The following TTC27 variants were observed in gnomAD, a reference collection of about 807,000 sequenced individuals.
The protein encoded by TTC27 is tetratricopeptide repeat protein 27.
TTC27 carries 79 observed loss-of-function variants against 115.9 expected under a neutral mutation model. That is an observed-to-expected ratio of 0.68 (90% CI 0.57 to 0.82). The LOEUF (loss-of-function observed/expected upper bound fraction) is 0.82, where lower values mean the gene tolerates loss of function less well. TTC27 is among the 40% of genes least tolerant of loss of function. The probability of loss-of-function intolerance (pLI) is 0.00; values close to 1 mark genes in which losing one functional copy is unlikely to be tolerated. For missense variants in TTC27, 1,054 were observed against 993.1 expected (o/e 1.06, Z -0.82); for synonymous variants, 401 against 356.0 (o/e 1.13, Z -1.42).
chr2:32,723,988 T>TTTTTTTTTTTTTTTTTTTTTTG (rs1668028731), intron 10 of TTC27, among the ~76,000 whole-genome samples: 1 of 148,768 alleles, frequency 6.7e-6, no homozygotes, highest in Non-Finnish European at 1.5e-5. Context: ...TTTTTTTTTT[T>TTTTTTTTTTTTTTTTTTTTTTG]ATAGAAAGGA....
intron 2 of TTC27, among the ~76,000 whole-genome samples, chr2:32,633,482 A>T (rs1664291556): frequency 6.6e-6 from 1 of 152,094 alleles, no homozygotes; most frequent in South Asian, 2.1e-4. Context: ...CTATGATCAA[A>T]GCTTACTACA....
At chr2:32,746,169 G>A (rs1668818264) in intron 12 of TTC27, among the ~76,000 whole-genome samples, 1 of 152,126 alleles carries the variant, frequency 6.6e-6, no homozygotes, top group African/African-American at 2.4e-5. Flanking sequence ...CAGGTTCATT[G>A]CAACCAGTTG....
In TTC27 at chr2:32,704,547, C is replaced by T. The variant is rs931582331; in HGVS notation, c.1233+1627C>T. 2.6e-5 allele frequency among the ~76,000 whole-genome samples: 4 copies of T among 152,194 alleles called. No individual in the cohort carries two copies. In the East Asian group the frequency reaches 5.8e-4, roughly 22 times the overall value. On this transcript the variant is annotated intron_variant, in intron 10 of 19. Coordinates refer to ENST00000317907, the MANE Select transcript of TTC27 (RefSeq NM_017735.5). ...CTATGTAAAAGTCATAAGAACAGTA[C>T]GAAGAATTCCCATATAGCCTTCACC... is the stretch of plus-strand genomic sequence containing the variant.
chr2:32,680,849 CA>C (rs1666397085), intron 9 of TTC27, among the ~76,000 whole-genome samples: 1 of 152,194 alleles, frequency 6.6e-6, no homozygotes, highest in Non-Finnish European at 1.5e-5. Flanking sequence ...TACATTCAAA[CA>C]GTTAATTTTT....
chr2:32,769,755 C>T (rs1000964949), intron 13 of TTC27, among the ~76,000 whole-genome samples: 1 of 152,154 alleles, frequency 6.6e-6, no homozygotes. Context: ...CATTAAGCAT[C>T]TATATTCTAA....
intron 12 of TTC27, among the ~76,000 whole-genome samples, chr2:32,745,821 G>C (rs991024291): frequency 4.6e-5 from 7 of 152,132 alleles, no homozygotes; most frequent in African/African-American, 1.7e-4. Context: ...CTAAGCAGTG[G>C]CTCTTTCCTT....
rs184295310 is a variant in TTC27, at chr2:32,697,142, A to C, written c.1120-5665A>C. On this transcript the variant is annotated intron_variant, in intron 9 of 19. Transcript: ENST00000317907. Reference sequence around the variant, plus strand: ...GGGAGGTGAGGGTTGCAGTAAGCCGAGACTGCACCACTGCACTCTAGCTTG... The same window carrying C: ...GGGAGGTGAGGGTTGCAGTAAGCCGCGACTGCACCACTGCACTCTAGCTTG... 2.8e-3 allele frequency among the ~76,000 whole-genome samples: 430 copies of C among 152,076 alleles called. 6 individuals are homozygous for C. Among genetic ancestry groups the C allele is most frequent in the African/African-American group, 9.8e-3 (405 of 41,506 alleles).
chr2:32,754,608 A>G (rs1193440026), intron 12 of TTC27, among the ~76,000 whole-genome samples: 1 of 150,146 alleles, frequency 6.7e-6, no homozygotes, highest in Non-Finnish European at 1.5e-5. Flanking sequence ...CCCCTTTTCT[A>G]TTCCACAAAA....
chr2:32,728,543 C>T (rs577719831), intron 10 of TTC27, among the ~76,000 whole-genome samples: 60 of 152,250 alleles, frequency 3.9e-4, no homozygotes, highest in African/African-American at 1.4e-3. Flanking sequence ...GTAAATAAGA[C>T]AGTTAAATAG....
chr2:32,668,267 G>T (rs1665866118), intron 7 of TTC27, among the ~76,000 whole-genome samples: 1 of 151,802 alleles, frequency 6.6e-6, no homozygotes, highest in Non-Finnish European at 1.5e-5. Context: ...CTACTTGGGA[G>T]GTTGAGGCAG....
intron 8 of TTC27, among the ~76,000 whole-genome samples, chr2:32,673,547 G>C (rs1017277855): frequency 1.3e-5 from 2 of 152,110 alleles, no homozygotes; most frequent in Non-Finnish European, 2.9e-5. Flanking sequence ...TTTTTAGCTG[G>C]GATGTCAGAG....
At chr2:32,714,473 T>A (rs1159087028) in intron 10 of TTC27, among the ~76,000 whole-genome samples, 1 of 152,142 alleles carries the variant, frequency 6.6e-6, no homozygotes, top group African/African-American at 2.4e-5. Context: ...TACCCCATTT[T>A]CTTTATTTAG....
intron 5 of TTC27, among the ~76,000 whole-genome samples, chr2:32,657,720 A>G (rs71446076): frequency 0.28 from 42,649 of 151,636 alleles, 6,484 homozygotes; most frequent in Middle Eastern, 0.46. Context: ...ACTTTTTCAT[A>G]CCCCTTTCCC....
chr2:32,634,471 T>C (rs1664336739), intron 3 of TTC27, among the ~76,000 whole-genome samples: 1 of 151,660 alleles, frequency 6.6e-6, no homozygotes, highest in Non-Finnish European at 1.5e-5. Flanking sequence ...AATTTTTTTG[T>C]AGAGATGGAG....
At chr2:32,642,321 G>T (rs934478455) in intron 4 of TTC27, among the ~76,000 whole-genome samples, 1 of 124,888 alleles carries the variant, frequency 8.0e-6, no homozygotes, top group Non-Finnish European at 1.6e-5. Flanking sequence ...GTGTGATCTC[G>T]GCTCATTGCA....
intron 12 of TTC27, among the ~76,000 whole-genome samples, chr2:32,742,886 T>C (rs761695832): frequency 2.6e-5 from 4 of 152,214 alleles, no homozygotes; most frequent in African/African-American, 9.7e-5. Flanking sequence ...TGTGTGTGTG[T>C]GCGCACACAC....
At chr2:32,713,879 A>T (rs536152015) in intron 10 of TTC27, among the ~76,000 whole-genome samples, 1 of 152,158 alleles carries the variant, frequency 6.6e-6, no homozygotes, top group Non-Finnish European at 1.5e-5. Context: ...GGTAATAAGC[A>T]TAGTACCTGA....
chr2:32,819,610 C>T (rs996699526), intron 19 of TTC27, among the ~76,000 whole-genome samples: 2 of 152,112 alleles, frequency 1.3e-5, no homozygotes, highest in African/African-American at 4.8e-5. Context: ...CTTGCCAGGC[C>T]AGGGACTTCA....
Position 32,671,541 on chromosome 2 carries a change from A to G in TTC27, c.940-731A>G, listed in dbSNP as rs114427116. On this transcript the variant is annotated intron_variant, in intron 7 of 19. Transcript: ENST00000317907. The stretch of plus-strand genomic sequence containing the variant: ...GCATGGGTCTAAAATTTTGAACTGT[A>G]TTCTATTCCATTCACTTTATATGTC... 9.6e-3 allele frequency among the ~76,000 whole-genome samples: 1,465 copies of G among 152,326 alleles called. 18 individuals are homozygous for G. Among genetic ancestry groups the G allele is most frequent in the African/African-American group, 0.034 (1,421 of 41,568 alleles).
Sources: gnomAD v4.1 joint callset for allele counts (sites outside exome capture counted in the v4.1 genomes callset) on GRCh38, gnomAD v4.1.1 for gene constraint, MANE v1.5 for transcripts, NCBI Gene and HGNC (gene_info 2026-07-23, HGNC 2026-07-21) for gene names.